Variants in RRP12 observed in about 807,000 individuals in gnomAD.
RRP12 encodes the protein ribosomal RNA processing 12 homolog, also known as RRP12-like protein.
RRP12 carries 78 observed loss-of-function variants against 157.3 expected under a neutral mutation model. The observed-to-expected ratio is 0.50, with a 90% CI of 0.41 to 0.60. RRP12 has a LOEUF of 0.60. RRP12 is among the 20% of genes least tolerant of loss of function. The probability of loss-of-function intolerance (pLI) is 0.00; values close to 1 mark genes in which losing one functional copy is unlikely to be tolerated. For synonymous variants in RRP12, 726 were observed against 670.9 expected (o/e 1.08, Z -1.27); for missense variants, 1,521 against 1,679.9 (o/e 0.91, Z 1.65).
chr10:97,396,234 T>C lies in RRP12; in HGVS notation c.437A>G (p.Glu146Gly). The stretch of plus-strand genomic sequence containing the variant: ...CCCACTCACCAGAGCAGCGAAGTAC[T>C]CAGTCTCCGTCTCCTTCCCTCCCTG... ...RSQGGKETET[E>G]YFAALMTTME... Residue 146 changes from glutamate (E) to glycine (G), a missense_variant, in exon 3 of 34, where the codon GAG (glutamate) becomes GGG (glycine). Transcript: ENST00000370992. The C allele has an allele frequency of 6.2e-7, 1 of 1,612,730 alleles. No individual in the cohort carries two copies. Among genetic ancestry groups the C allele is most frequent in the Non-Finnish European group, 8.5e-7 (1 of 1,178,820 alleles).
intron 4 of RRP12, among the ~76,000 whole-genome samples, chr10:97,392,569 C>T (rs9663668): frequency 0.08 from 12,118 of 151,496 alleles, 1,492 homozygotes; most frequent in African/African-American, 0.27. Flanking sequence ...GGCTGGTCTC[C>T]AACTCCTGGC....
In RRP12 at chr10:97,385,896, G is replaced by A. The variant is rs780336610; in HGVS notation, c.1115C>T (p.Thr372Met). The change falls in exon 9 of 34, where the codon ACG (threonine) becomes ATG (methionine). Residue 372 changes from threonine (T) to methionine (M), a missense_variant and splice_region_variant. Transcript: ENST00000370992. The part of the protein sequence containing the change: ...LSAELNAQII[T>M]ALYDYVPSEN... ...CCACATCCCACCAACAGGCCTCACC[G>A]TGATGATCTGGGCGTTGAGCTCTGC... is the stretch of plus-strand genomic sequence containing the variant. The A allele has an allele frequency of 1.8e-5, 28 of 1,598,832 alleles. No individual in the cohort carries two copies. The highest frequency in any genetic ancestry group is 1.7e-4 in the Middle Eastern group (1 of 6,022).
intron 8 of RRP12, among the ~76,000 whole-genome samples, chr10:97,387,626 T>C (rs559495767): frequency 6.8e-6 from 1 of 146,530 alleles, no homozygotes; most frequent in Admixed American, 7.0e-5. Flanking sequence ...TCATTTTTCA[T>C]GTGTCTTTAA....
chr10:97,400,941 A>C (rs968698716), intron 1 of RRP12, 152 bp downstream of exon 1: 7 of 916,226 alleles, frequency 7.6e-6, no homozygotes, highest in Non-Finnish European at 9.6e-6. Flanking sequence ...AATTGGAAGG[A>C]CTGCCCTTCA....
Position 97,363,448 on chromosome 10 carries a change from C to T in RRP12, c.3567+406G>A, listed in dbSNP as rs138541907. On this transcript the variant is annotated intron_variant, in intron 30 of 33. Coordinates refer to ENST00000370992, the MANE Select transcript of RRP12 (RefSeq NM_015179.4). ...CCTGTGACCCTGGGCAGGCTACTTA[C>T]CTCTGTACGCTCCTCTGGTCACTGG... Among the ~76,000 whole-genome samples the T allele has an allele frequency of 4.9e-3, 750 of 151,750 alleles. 5 individuals are homozygous for T. The highest frequency in any genetic ancestry group is 8.1e-3 in the Non-Finnish European group (547 of 67,636).
At chr10:97,398,030 T>TAC (rs1845027284) in intron 2 of RRP12, among the ~76,000 whole-genome samples, 3 of 95,700 alleles carry the variant, frequency 3.1e-5, no homozygotes, top group African/African-American at 4.7e-5. Context: ...TATGTATATA[T>TAC]ATATACGTAT....
At chr10:97,387,359 G>A (rs1844663887) in intron 8 of RRP12, among the ~76,000 whole-genome samples, 1 of 142,338 alleles carries the variant, frequency 7.0e-6, no homozygotes, top group African/African-American at 2.6e-5. Context: ...TTGACATGGG[G>A]TTCTTGCTCT....
chr10:97,389,456 C>T (rs756216966), intron 6 of RRP12, among the ~76,000 whole-genome samples: 26 of 152,104 alleles, frequency 1.7e-4, no homozygotes, highest in Non-Finnish European at 3.5e-4. Context: ...GCCACTGCAG[C>T]GAGAGCTGAA....
In RRP12 at chr10:97,396,069, C is replaced by T. The variant is rs1454815524; in HGVS notation, c.453+149G>A. The T allele has an allele frequency of 6.5e-6, 4 of 619,914 alleles. No homozygotes were observed. The Admixed American group carries it at 1.1e-4, about 17-fold the overall frequency. The allele number at this position is 619,914 out of a possible 1,614,324, so 38.4% of individuals were successfully genotyped here. ...TTAAAAGGTAGCAAATACCACCAGC[C>T]TTCCTAAGCCACCTGAGAATAACTG... On this transcript the variant is annotated intron_variant, in intron 3 of 33. Transcript: ENST00000370992.
At chr10:97,361,285 G>A (rs548793955) in intron 30 of RRP12, among the ~76,000 whole-genome samples, 1 of 152,360 alleles carries the variant, frequency 6.6e-6, no homozygotes, top group African/African-American at 2.4e-5. Flanking sequence ...GTGTTAGGCA[G>A]TCCAAGGGAA....
chr10:97,364,710 C>CT (rs546761549), intron 29 of RRP12, among the ~76,000 whole-genome samples: 252 of 152,332 alleles, frequency 1.7e-3, no homozygotes, highest in Non-Finnish European at 3.2e-3. Context: ...GAGCGAGACT[C>CT]TATCTCCAAA....
chr10:97,373,290 G>C (rs1589421303), intron 17 of RRP12, 90 bp from the exon 18 acceptor site: 1 of 1,370,632 alleles, frequency 7.3e-7, no homozygotes. Context: ...GCCCTCTCTT[G>C]GGGGAGCTGG....
rs1014433794 is a variant in RRP12 at position 97,356,999 on chromosome 10, G to A, written c.*95C>T. 8.5e-6 allele frequency: 6 copies of A among 705,918 alleles called. No individual in the cohort carries two copies. Among genetic ancestry groups the A allele is most frequent in the African/African-American group, 5.4e-5 (3 of 55,358 alleles). 43.7% of individuals were successfully genotyped at this position (705,918 alleles called of 1,614,324 possible). A position where few individuals can be genotyped will look rare whatever the true frequency, so the allele number is the denominator to read the frequency against. On this transcript the variant is annotated 3_prime_UTR_variant, in exon 34 of 34. Transcript: ENST00000370992. ...CCAAGTCATCCTGAGTCCAGGCTCT[G>A]CCAGAATCTTGAGCACCTGGAGCTG... is the stretch of plus-strand genomic sequence containing the variant.
At position 97,360,612 on chromosome 10, in the gene RRP12, G is replaced by A; in HGVS notation, c.3574C>T (p.His1192Tyr). 1 of 1,613,708 alleles carries A rather than the reference G, an allele frequency of 6.2e-7. No individual in the cohort carries two copies. Among genetic ancestry groups the A allele is most frequent in the Non-Finnish European group, 8.5e-7 (1 of 1,179,644 alleles). ...TCTTTCTGGTGCTTGAGCTTCTGGTGCTTTTTCTATAGAGAGAGAATAGGT... is the reference window on the plus strand; with the variant it reads ...TCTTTCTGGTGCTTGAGCTTCTGGTACTTTTTCTATAGAGAGAGAATAGGT... ...MEDVIIRNKK[H>Y]QKLKHQKEAE... Residue 1192 changes from histidine (H) to tyrosine (Y), a missense_variant, in exon 31 of 34, where the codon CAC becomes TAC. Physicochemically the swap from His to Tyr is moderately conservative, Grantham distance 83. Transcript: ENST00000370992.
chr10:97,375,433 A>G (rs1844278788), intron 15 of RRP12, among the ~76,000 whole-genome samples: 1 of 152,092 alleles, frequency 6.6e-6, no homozygotes, highest in Non-Finnish European at 1.5e-5. Flanking sequence ...AACTAATTTA[A>G]CTGGAACCCT....
intron 3 of RRP12, among the ~76,000 whole-genome samples, chr10:97,395,060 T>A (rs1397623402): frequency 1.3e-5 from 2 of 151,936 alleles, no homozygotes; most frequent in Admixed American, 1.3e-4. Context: ...CGATCATCAC[T>A]TGAACACAGG....
At chr10:97,391,951 G>A (rs574178925) in intron 4 of RRP12, among the ~76,000 whole-genome samples, 18 of 151,496 alleles carry the variant, frequency 1.2e-4, no homozygotes, top group African/African-American at 3.9e-4. Flanking sequence ...CCATTTCAAC[G>A]ATATTTTTCG....
At position 97,381,436 on chromosome 10, in the gene RRP12, G is replaced by A. The variant is rs377437983; in HGVS notation, c.1368C>T (p.Ser456=). 1.1e-4 allele frequency: 181 copies of A among 1,613,466 alleles called. No homozygotes were observed. In the African/African-American group the frequency reaches 1.4e-3, roughly 13 times the overall value. ...CVAPHMADIG[S]VTSSASGPAQ... ...CAGGGCCTGAGGCCGAGGAGGTCAC[G>A]GAGCCAATGTCAGCCATGTGGGGAG... The change falls in exon 12 of 34, where the codon TCC becomes TCT. Residue 456 remains serine (S), a synonymous_variant. Transcript: ENST00000370992.
At chr10:97,401,357 TCGTGTGCATTACTA>T, upstream of RRP12, 1 of 1,225,144 alleles carries the variant, frequency 8.2e-7, no homozygotes, top group Non-Finnish European at 1.2e-6. Context: ...ACTTCCGGAT[TCGTGTGCATTACTA>T]TGGTAAAACA....
Sources: gnomAD v4.1 joint callset for allele counts (sites outside exome capture counted in the v4.1 genomes callset) on GRCh38, gnomAD v4.1.1 for gene constraint, MANE v1.5 for transcripts, NCBI Gene and HGNC (gene_info 2026-07-23, HGNC 2026-07-21) for gene names.